RIGI: variants seen among roughly 807,000 people sequenced by gnomAD.
RIGI encodes antiviral innate immune response receptor RIG-I.
At chr9:32,462,126 T>C in the RIGI span, among the ~76,000 whole-genome samples, 9,589 of 152,268 alleles carry the variant, frequency 0.063, 415 homozygotes, top group Admixed American at 0.11. Flanking sequence ...CTACTGGCAC[T>C]GAAGCTATTC....
the RIGI span, among the ~76,000 whole-genome samples, chr9:32,484,886 G>GAGGGAAAGCTGATTTAGAAGGT: frequency 6.6e-6 from 1 of 152,158 alleles, no homozygotes; most frequent in Admixed American, 6.5e-5. Context: ...GGAAAGTCAG[G>GAGGGAAAGCTGATTTAGAAGGT]AGGGAAAGCT....
At chr9:32,521,396 T>G in the RIGI span, among the ~76,000 whole-genome samples, 1 of 152,108 alleles carries the variant, frequency 6.6e-6, no homozygotes, top group Non-Finnish European at 1.5e-5. Context: ...CTGTCTTTAT[T>G]AGGCCTTATT....
At chr9:32,469,635 C>T in the RIGI span, among the ~76,000 whole-genome samples, 1 of 152,152 alleles carries the variant, frequency 6.6e-6, no homozygotes, top group Non-Finnish European at 1.5e-5. Context: ...TTCTGTTAAT[C>T]GGGGAAAAGA....
At chr9:32,465,215 A>C in the RIGI span, among the ~76,000 whole-genome samples, 1 of 152,260 alleles carries the variant, frequency 6.6e-6, no homozygotes, top group Non-Finnish European at 1.5e-5. Context: ...CTTCTCACTG[A>C]AAATGTGGAA....
the RIGI span, among the ~76,000 whole-genome samples, chr9:32,475,710 G>A: frequency 7.9e-5 from 12 of 152,156 alleles, no homozygotes; most frequent in East Asian, 9.6e-4. Flanking sequence ...AAGCTGTAAC[G>A]CTTCTAGATG....
chr9:32,472,370 G>A, the RIGI span, among the ~76,000 whole-genome samples: 1 of 152,212 alleles, frequency 6.6e-6, no homozygotes. Context: ...AAAGAGCCTG[G>A]AGTGGTTTTT....
At chr9:32,485,531 CTT>C in the RIGI span, 10,665 of 306,528 alleles carry the variant, frequency 0.035, no homozygotes, top group East Asian at 0.043. Context: ...TAACTAGCTT[CTT>C]TTTTTTTTTT....
the RIGI span, chr9:32,456,223 G>A: frequency 1.3e-5 from 2 of 152,162 alleles, no homozygotes; most frequent in African/African-American, 4.8e-5. Context: ...AATGGCACAC[G>A]TTAAGAGAAC....
chr9:32,474,996 G>A, the RIGI span, among the ~76,000 whole-genome samples: 1 of 151,762 alleles, frequency 6.6e-6, no homozygotes, highest in Non-Finnish European at 1.5e-5. Context: ...TCCATCACTC[G>A]GCTGGAGAGC....
At chr9:32,475,354 A>G in the RIGI span, among the ~76,000 whole-genome samples, 1 of 152,196 alleles carries the variant, frequency 6.6e-6, no homozygotes, top group South Asian at 2.1e-4. Context: ...ACATAGCTAA[A>G]AACAACCTTT....
the RIGI span, among the ~76,000 whole-genome samples, chr9:32,497,226 G>C: frequency 4.6e-5 from 7 of 152,028 alleles, no homozygotes; most frequent in Non-Finnish European, 8.8e-5. Flanking sequence ...GCAATGTTTT[G>C]TTGTTTCCAG....
chr9:32,524,697 G>A, the RIGI span, among the ~76,000 whole-genome samples: 302 of 139,272 alleles, frequency 2.2e-3, 3 homozygotes, highest in African/African-American at 7.4e-3. Flanking sequence ...CTGCCTCCCT[G>A]GTTCAAGCGA....
the RIGI span, chr9:32,485,241 T>C: frequency 6.2e-7 from 1 of 1,606,132 alleles, no homozygotes; most frequent in East Asian, 2.2e-5. Flanking sequence ...ATGATGTATT[T>C]AAATTTGTCG....
At chr9:32,467,817 A>T in the RIGI span, 1 of 1,612,626 alleles carries the variant, frequency 6.2e-7, no homozygotes, top group Non-Finnish European at 8.5e-7. Context: ...GGATGACAAG[A>T]TTGCACTGTG....
chr9:32,520,576 A>G, the RIGI span, among the ~76,000 whole-genome samples: 1 of 152,184 alleles, frequency 6.6e-6, no homozygotes, highest in Admixed American at 6.5e-5. Context: ...TAGAAATTAA[A>G]ACCATTCAAT....
chr9:32,473,616 A>G, the RIGI span, among the ~76,000 whole-genome samples: 1 of 152,174 alleles, frequency 6.6e-6, no homozygotes, highest in Non-Finnish European at 1.5e-5. Flanking sequence ...GAAAAAACAA[A>G]AGTTCAAAAA....
the RIGI span, among the ~76,000 whole-genome samples, chr9:32,521,293 T>A: frequency 6.6e-6 from 1 of 152,158 alleles, no homozygotes; most frequent in Non-Finnish European, 1.5e-5. Context: ...AATAAAATGT[T>A]TGTATAATAT....
At chr9:32,490,796 G>A in the RIGI span, among the ~76,000 whole-genome samples, 3 of 152,160 alleles carry the variant, frequency 2.0e-5, no homozygotes, top group East Asian at 5.8e-4. Flanking sequence ...CCTCTTGGAG[G>A]ACACAGCCCC....
the RIGI span, among the ~76,000 whole-genome samples, chr9:32,500,652 T>C: frequency 6.6e-6 from 1 of 152,218 alleles, no homozygotes; most frequent in African/African-American, 2.4e-5. Flanking sequence ...TAGACAATTA[T>C]ATCATCTGCC....
Sources: allele counts gnomAD v4.1 joint callset (sites outside exome capture counted in the v4.1 genomes callset), GRCh38; gene constraint gnomAD v4.1.1; transcripts MANE v1.5; gene names NCBI Gene and HGNC (gene_info 2026-07-23, HGNC 2026-07-21).